Variants in ALG9 observed in about 807,000 individuals in gnomAD.
ALG9 encodes the protein ALG9 alpha-1,2-mannosyltransferase, also known as alpha-1,2-mannosyltransferase ALG9.
ALG9 carries 55 observed loss-of-function variants against 81.8 expected under a neutral mutation model. That is an observed-to-expected ratio of 0.67 (90% confidence interval 0.54 to 0.84). ALG9 has a LOEUF of 0.84. ALG9 is among the 40% of genes least tolerant of loss of function. The pLI is 0.00. For missense variants in ALG9, 629 were observed against 745.0 expected (o/e 0.84, Z 1.81); for synonymous variants, 278 against 274.3 (o/e 1.01, Z -0.13).
At chr11:111,787,612 A>G (rs1663228002) in intron 14 of ALG9, among the ~76,000 whole-genome samples, 2 of 151,264 alleles carry the variant, frequency 1.3e-5, no homozygotes, top group South Asian at 4.2e-4. Flanking sequence ...ACCCACCACC[A>G]CGACCGGCTA....
chr11:111,808,903 G>C (rs1377233432), intron 14 of ALG9, among the ~76,000 whole-genome samples: 1 of 152,148 alleles, frequency 6.6e-6, no homozygotes, highest in Admixed American at 6.5e-5. Context: ...TCTGAAGAGC[G>C]AGTCAAGCCC....
At chr11:111,832,296 A>G (rs567158190) in intron 13 of ALG9, among the ~76,000 whole-genome samples, 1 of 152,146 alleles carries the variant, frequency 6.6e-6, no homozygotes, top group East Asian at 1.9e-4. Context: ...ATTTTTTCAG[A>G]GAGAGGGTCC....
At position 111,855,944 on chromosome 11, in the gene ALG9, C is replaced by T. The variant is rs1297761479; in HGVS notation, c.701+1658G>A. 2.0e-5 allele frequency among the ~76,000 whole-genome samples: 3 copies of T among 151,972 alleles called. No homozygotes were observed. In the East Asian group the frequency reaches 5.8e-4, roughly 29 times the overall value. On this transcript the variant is annotated intron_variant, in intron 6 of 14. Coordinates refer to ENST00000616540, the MANE Select transcript of ALG9 (RefSeq NM_024740.2). ...TAACTCCCCTCATAAAAATTTACCC[C>T]ATAGGTAAATTCCCACAAGTGCACA...
intron 8 of ALG9, 109 bp downstream of exon 8, chr11:111,853,268 TATC>T (rs1357143918): frequency 2.6e-6 from 2 of 774,828 alleles, no homozygotes; most frequent in Admixed American, 4.0e-5. Flanking sequence ...GAAAAGATAA[TATC>T]AGCCAAGAAA....
At chr11:111,822,044 A>G (rs1952484995) in intron 13 of ALG9, among the ~76,000 whole-genome samples, 1 of 152,178 alleles carries the variant, frequency 6.6e-6, no homozygotes, top group African/African-American at 2.4e-5. Context: ...TTATATCAAC[A>G]AGCACCCATA....
At chr11:111,853,760 G>A in intron 6 of ALG9, 24 bp from the exon 7 acceptor site, 1 of 1,586,404 alleles carries the variant, frequency 6.3e-7, no homozygotes, top group East Asian at 2.2e-5. Flanking sequence ...AAACAGAGCG[G>A]GGAGTTAAAT....
chr11:111,810,781 C>CA (rs1203186417), intron 13 of ALG9, among the ~76,000 whole-genome samples: 2 of 151,750 alleles, frequency 1.3e-5, no homozygotes, highest in Non-Finnish European at 2.9e-5. Context: ...CAATTAAAAC[C>CA]AAAAAAGAGT....
At chr11:111,839,112 T>C (rs1194912003) in intron 10 of ALG9, among the ~76,000 whole-genome samples, 1 of 152,186 alleles carries the variant, frequency 6.6e-6, no homozygotes, top group Non-Finnish European at 1.5e-5. Flanking sequence ...TATCCTAGCA[T>C]AATACTGAAT....
chr11:111,783,382 CG>C lies in ALG9; in HGVS notation c.*3014del, dbSNP rs1565525570. The C allele has an allele frequency of 6.6e-6, 1 of 152,174 alleles. No individual in the cohort carries two copies. Among genetic ancestry groups the C allele is most frequent in the Non-Finnish European group, 1.5e-5 (1 of 68,192 alleles). 9.4% of individuals were successfully genotyped at this position (152,174 alleles called of 1,614,324 possible). A position where few individuals can be genotyped will look rare whatever the true frequency, so the allele number is the denominator to read the frequency against. On this transcript the variant is annotated 3_prime_UTR_variant, in exon 15 of 15. Coordinates refer to ENST00000616540, the MANE Select transcript of ALG9 (RefSeq NM_024740.2). ...CTGAAGCAGGAGAATTGCTTGAACC[CG>C]GGAGACAGAGGTTGCAGTGAGCTGA... is the stretch of plus-strand genomic sequence containing the variant.
chr11:111,852,605 T>G (rs558993249), intron 8 of ALG9, among the ~76,000 whole-genome samples: 1 of 152,252 alleles, frequency 6.6e-6, no homozygotes, highest in African/African-American at 2.4e-5. Context: ...AAAGCAAATC[T>G]GGAAGAGAAA....
At chr11:111,827,312 A>G (rs899632994) in intron 13 of ALG9, among the ~76,000 whole-genome samples, 2 of 152,122 alleles carry the variant, frequency 1.3e-5, no homozygotes, top group Non-Finnish European at 2.9e-5. Flanking sequence ...TCCTGTCTCT[A>G]CTAAAAATAC....
chr11:111,860,599 T>G lies in ALG9; in HGVS notation c.513A>C (p.Arg171=). The change falls in exon 5 of 15, where the codon CGA becomes CGC. Residue 171 remains arginine, a synonymous_variant. Transcript: ENST00000616540. The stretch of plus-strand genomic sequence containing the variant: ...TGAGAACCAAGAAGGCTAGCATCAT[T>G]CGACTCACGTGCAACCCAAACTTCT... The part of the protein sequence containing the change: ...VCKKFGLHVS[R]MMLAFLVLST... 6.2e-7 allele frequency: 1 copy of G among 1,614,070 alleles called. No individual in the cohort carries two copies. Among genetic ancestry groups the G allele is most frequent in the Non-Finnish European group, 8.5e-7 (1 of 1,179,994 alleles).
At chr11:111,870,404 A>G (rs1963951964) in intron 1 of ALG9, 34 bp from the exon 2 acceptor site, 6 of 1,472,720 alleles carry the variant, frequency 4.1e-6, no homozygotes, top group South Asian at 2.7e-5. Context: ...AAAAAAAAAA[A>G]GCATGTCAGG....
intron 13 of ALG9, among the ~76,000 whole-genome samples, chr11:111,813,172 G>C (rs1328322315): frequency 6.6e-6 from 1 of 151,974 alleles, no homozygotes; most frequent in African/African-American, 2.4e-5. Context: ...AAAATGAAAA[G>C]ATAAAGCTCT....
chr11:111,778,173 T>C (rs1945748688), downstream of ALG9: 1 of 152,176 alleles, frequency 6.6e-6, no homozygotes, highest in Non-Finnish European at 1.5e-5. Flanking sequence ...CATAGGTCCT[T>C]ACCTGAGCAG....
intron 1 of ALG9, chr11:111,870,905 T>G: frequency 1.0e-6 from 1 of 998,504 alleles, no homozygotes; most frequent in Non-Finnish European, 1.2e-6. Context: ...CTACTCCAAT[T>G]CCATATGTTG....
the ALG9 span, among the ~76,000 whole-genome samples, chr11:111,769,987 C>T: frequency 6.6e-6 from 1 of 152,116 alleles, no homozygotes; most frequent in African/African-American, 2.4e-5. Flanking sequence ...CCTTCCACCC[C>T]CTAACACCCC....
At chr11:111,807,705 G>A (rs1565730955) in intron 14 of ALG9, among the ~76,000 whole-genome samples, 1 of 152,100 alleles carries the variant, frequency 6.6e-6, no homozygotes, top group Non-Finnish European at 1.5e-5. Flanking sequence ...GCCAGGTGTG[G>A]TGGCTTACGC....
At chr11:111,817,902 C>T (rs1951760981) in intron 13 of ALG9, among the ~76,000 whole-genome samples, 1 of 151,924 alleles carries the variant, frequency 6.6e-6, no homozygotes, top group Non-Finnish European at 1.5e-5. Flanking sequence ...CCTCAGCCTC[C>T]TGAGTAGCTG....
Sources: gnomAD v4.1 joint callset for allele counts (sites outside exome capture counted in the v4.1 genomes callset) on GRCh38, gnomAD v4.1.1 for gene constraint, MANE v1.5 for transcripts, NCBI Gene and HGNC (gene_info 2026-07-23, HGNC 2026-07-21) for gene names.